B3GALT1: variants seen among roughly 807,000 people sequenced by gnomAD.
B3GALT1 encodes beta-1,3-galactosyltransferase 1, also known as UDP-Gal:betaGlcNAc beta 1,3-galactosyltransferase, polypeptide 1.
Under a neutral mutation model 23.2 loss-of-function variants are expected in B3GALT1, and 10 were observed. That is an observed-to-expected ratio of 0.43 (90% CI 0.27 to 0.73). The LOEUF (loss-of-function observed/expected upper bound fraction) is 0.73. Ranked by LOEUF, B3GALT1 falls within the 30% of genes least tolerant of loss-of-function variation. B3GALT1 has a pLI of 0.21. For synonymous variants in B3GALT1, 156 were observed against 141.5 expected (o/e 1.10, Z -0.73); for missense variants, 299 against 405.4 (o/e 0.74, Z 2.25).
At chr2:167,599,960 CAT>C (rs1684845789) in intron 2 of B3GALT1, among the ~76,000 whole-genome samples, 1 of 152,128 alleles carries the variant, frequency 6.6e-6, no homozygotes, top group Non-Finnish European at 1.5e-5. Context: ...AAACATTTAT[CAT>C]ATTTTTATCT....
rs183115553 is a variant in B3GALT1, at chr2:167,413,684, T to C, written c.-510-76493T>C. Among the ~76,000 whole-genome samples, 544 of 152,130 alleles carry C rather than the reference T, an allele frequency of 3.6e-3. 2 individuals are homozygous for C. Among genetic ancestry groups the C allele is most frequent in the African/African-American group, 0.012 (516 of 41,564 alleles). On this transcript the variant is annotated intron_variant, in intron 1 of 4. Coordinates refer to ENST00000392690, the MANE Select transcript of B3GALT1 (RefSeq NM_020981.4). ...CAATATTACTACAGATTTCTTCAGG[T>C]TTATTTTCACCTGATATATCCTTTT... is the stretch of plus-strand genomic sequence containing the variant.
chr2:167,313,381 A>G (rs1048702389), intron 1 of B3GALT1, among the ~76,000 whole-genome samples: 1 of 152,156 alleles, frequency 6.6e-6, no homozygotes, highest in Non-Finnish European at 1.5e-5. Context: ...TTGACAGAGT[A>G]TTCTTGACTA....
rs541215145 is a variant in B3GALT1, at chr2:167,304,213, A to G, written c.-511+10879A>G. On this transcript the variant is annotated intron_variant, in intron 1 of 4. Transcript: ENST00000392690. The stretch of plus-strand genomic sequence containing the variant: ...GAGATAAAGCTCTCCTTCATGGGAG[A>G]AGAAGAAGCTCTTAAGTCGTTTATG... 6.4e-4 allele frequency among the ~76,000 whole-genome samples: 97 copies of G among 151,984 alleles called. 1 individual carries two copies. Among genetic ancestry groups the G allele is most frequent in the Non-Finnish European group, 1.9e-4 (13 of 68,004 alleles).
At chr2:167,413,984 T>C (rs970015447) in intron 1 of B3GALT1, among the ~76,000 whole-genome samples, 5 of 152,148 alleles carry the variant, frequency 3.3e-5, no homozygotes, top group African/African-American at 1.2e-4. Flanking sequence ...AATATATCAG[T>C]ATTGTAAAGG....
At chr2:167,744,749 G>A (rs775803100) in intron 3 of B3GALT1, among the ~76,000 whole-genome samples, 12 of 151,862 alleles carry the variant, frequency 7.9e-5, no homozygotes, top group East Asian at 1.9e-4. Flanking sequence ...TGACCACCAC[G>A]CCCGGCTAAT....
At chr2:167,647,816 A>G (rs760182510) in intron 3 of B3GALT1, among the ~76,000 whole-genome samples, 2 of 151,768 alleles carry the variant, frequency 1.3e-5, no homozygotes, top group East Asian at 1.9e-4. Context: ...TGGTGGTTGT[A>G]TGTATTTATG....
intron 3 of B3GALT1, among the ~76,000 whole-genome samples, chr2:167,718,758 G>A (rs538657995): frequency 2.0e-5 from 3 of 152,116 alleles, no homozygotes; most frequent in East Asian, 1.9e-4. Context: ...GGGAGATTTA[G>A]CAAGGCCTGT....
chr2:167,530,187 G>T (rs1683302371), intron 2 of B3GALT1, among the ~76,000 whole-genome samples: 1 of 152,034 alleles, frequency 6.6e-6, no homozygotes, highest in Non-Finnish European at 1.5e-5. Context: ...TCAGATCTCT[G>T]TCCAAATGTT....
chr2:167,621,813 G>A (rs557638710), intron 2 of B3GALT1, among the ~76,000 whole-genome samples: 2 of 152,078 alleles, frequency 1.3e-5, no homozygotes, highest in East Asian at 3.9e-4. Context: ...GCTGCCTTGT[G>A]AAGAAGGACA....
At chr2:167,611,921 A>G (rs1017491136) in intron 2 of B3GALT1, among the ~76,000 whole-genome samples, 3 of 152,094 alleles carry the variant, frequency 2.0e-5, no homozygotes, top group African/African-American at 4.8e-5. Context: ...AAAATCCATC[A>G]TATTTATTCT....
intron 2 of B3GALT1, among the ~76,000 whole-genome samples, chr2:167,542,323 T>A (rs1683546963): frequency 6.6e-6 from 1 of 152,142 alleles, no homozygotes; most frequent in African/African-American, 2.4e-5. Flanking sequence ...TAAGTGATTC[T>A]GCTATGAAGT....
intron 2 of B3GALT1, among the ~76,000 whole-genome samples, chr2:167,623,050 A>G (rs1034639323): frequency 2.0e-5 from 3 of 152,130 alleles, no homozygotes; most frequent in Non-Finnish European, 4.4e-5. Context: ...ATACATAGTC[A>G]TGTCAAAGCC....
Position 167,784,381 on chromosome 2 carries a change from G to C in B3GALT1, c.-351-34291G>C, listed in dbSNP as rs116502802. ...CATGACAGTGTAAATGTTCATCGAG[G>C]TAGTAAAAGAATAGAGATCCCCAGG... On this transcript the variant is annotated intron_variant, in intron 3 of 4. Transcript: ENST00000392690. 3.8e-3 allele frequency among the ~76,000 whole-genome samples: 572 copies of C among 152,290 alleles called. 6 individuals are homozygous for C. The highest frequency in any genetic ancestry group is 0.013 in the African/African-American group (533 of 41,570).
intron 1 of B3GALT1, among the ~76,000 whole-genome samples, chr2:167,428,682 A>C (rs1698659905): frequency 6.6e-6 from 1 of 152,042 alleles, no homozygotes; most frequent in Non-Finnish European, 1.5e-5. Context: ...CATTTAAAAA[A>C]AAAGTGGACA....
intron 3 of B3GALT1, among the ~76,000 whole-genome samples, chr2:167,667,471 G>C (rs1162013225): frequency 6.6e-6 from 1 of 152,060 alleles, no homozygotes; most frequent in Admixed American, 6.5e-5. Context: ...GGTGTTCTCT[G>C]TATTTCCTGA....
intron 1 of B3GALT1, among the ~76,000 whole-genome samples, chr2:167,394,477 TC>T (rs770628656): frequency 9.7e-4 from 148 of 152,320 alleles, no homozygotes; most frequent in Middle Eastern, 3.4e-3. Flanking sequence ...TATATATTGT[TC>T]CAGATGTGTA....
chr2:167,751,533 T>A (rs1287490686), intron 3 of B3GALT1, among the ~76,000 whole-genome samples: 1 of 152,140 alleles, frequency 6.6e-6, no homozygotes, highest in Admixed American at 6.6e-5. Context: ...ATCCAGGGGC[T>A]TAAGGAATTA....
chr2:167,349,625 A>G (rs925198056), intron 1 of B3GALT1, among the ~76,000 whole-genome samples: 10 of 152,198 alleles, frequency 6.6e-5, no homozygotes, highest in African/African-American at 2.4e-4. Flanking sequence ...CTCAGACTGC[A>G]AAGTTACAGC....
intron 1 of B3GALT1, among the ~76,000 whole-genome samples, chr2:167,419,945 A>G (rs997826558): frequency 1.3e-5 from 2 of 152,184 alleles, no homozygotes; most frequent in African/African-American, 4.8e-5. Flanking sequence ...GCTAAGGAAA[A>G]CATATTACTT....
Sources: gnomAD v4.1 joint callset for allele counts (sites outside exome capture counted in the v4.1 genomes callset) on GRCh38, gnomAD v4.1.1 for gene constraint, MANE v1.5 for transcripts, NCBI Gene and HGNC (gene_info 2026-07-23, HGNC 2026-07-21) for gene names.